ARHGAP26: variants seen among roughly 807,000 people sequenced by gnomAD.
ARHGAP26 encodes the protein rho GTPase-activating protein 26.
In ARHGAP26, 38 loss-of-function variants were observed where a neutral mutation model predicts 104.8. The observed-to-expected ratio is 0.36, with a 90% confidence interval of 0.28 to 0.48. ARHGAP26 has a LOEUF of 0.48. ARHGAP26 is among the 20% of genes least tolerant of loss of function. The pLI, the probability that ARHGAP26 is intolerant of heterozygous loss-of-function variation, is 0.99. For missense variants in ARHGAP26, 704 were observed against 947.9 expected (o/e 0.74, Z 3.38); for synonymous variants, 341 against 340.0 (o/e 1.00, Z -0.03).
chr5:142,993,102 T>G (rs1775865702), intron 11 of ARHGAP26, among the ~76,000 whole-genome samples: 1 of 151,012 alleles, frequency 6.6e-6, no homozygotes, highest in African/African-American at 2.4e-5. Flanking sequence ...CTGCCTCAGC[T>G]TCCTGAGTAG....
chr5:143,207,746 C>G (rs1348219275), intron 21 of ARHGAP26, among the ~76,000 whole-genome samples: 1 of 152,220 alleles, frequency 6.6e-6, no homozygotes, highest in Non-Finnish European at 1.5e-5. Context: ...GCTCTCTGCA[C>G]TTTGGTGTAA....
At chr5:143,134,486 A>G (rs1797704369) in intron 19 of ARHGAP26, among the ~76,000 whole-genome samples, 1 of 152,072 alleles carries the variant, frequency 6.6e-6, no homozygotes, top group Non-Finnish European at 1.5e-5. Context: ...TGAAATACCC[A>G]TTAGTGTGAG....
At chr5:143,180,633 T>A (rs1223904743) in intron 20 of ARHGAP26, among the ~76,000 whole-genome samples, 1 of 152,120 alleles carries the variant, frequency 6.6e-6, no homozygotes, top group Non-Finnish European at 1.5e-5. Context: ...ATGTCTTATA[T>A]GGCGGCAGGC....
chr5:142,979,240 T>C (rs1773575741), intron 11 of ARHGAP26, among the ~76,000 whole-genome samples: 1 of 152,244 alleles, frequency 6.6e-6, no homozygotes, highest in South Asian at 2.1e-4. Context: ...TTCTACTTTC[T>C]GCCTCCTTAA....
At chr5:142,903,941 T>A (rs781415162) in intron 8 of ARHGAP26, among the ~76,000 whole-genome samples, 89 of 152,170 alleles carry the variant, frequency 5.8e-4, no homozygotes, top group Non-Finnish European at 4.3e-4. Flanking sequence ...CTCTTGGGGT[T>A]CCTGTACCCC....
intron 8 of ARHGAP26, among the ~76,000 whole-genome samples, chr5:142,905,972 G>C (rs1464146059): frequency 2.6e-5 from 4 of 152,150 alleles, no homozygotes; most frequent in Non-Finnish European, 5.9e-5. Flanking sequence ...CATGACTTTA[G>C]TCTCCTTTAA....
intron 17 of ARHGAP26, among the ~76,000 whole-genome samples, chr5:143,090,173 G>A (rs1175987882): frequency 2.0e-5 from 3 of 152,362 alleles, no homozygotes; most frequent in South Asian, 4.1e-4. Context: ...GCCGGACTTC[G>A]GGATATAGCA....
chr5:143,093,683 C>T (rs370586594), intron 17 of ARHGAP26, among the ~76,000 whole-genome samples: 34 of 152,128 alleles, frequency 2.2e-4, no homozygotes, highest in African/African-American at 8.0e-4. Context: ...CCCCCTTTCT[C>T]CTCTCTGCTA....
intron 20 of ARHGAP26, among the ~76,000 whole-genome samples, chr5:143,198,015 C>G (rs189142739): frequency 6.6e-6 from 1 of 152,336 alleles, no homozygotes; most frequent in Non-Finnish European, 1.5e-5. Flanking sequence ...GTCATAGTTT[C>G]TTGCTTACAG....
intron 17 of ARHGAP26, among the ~76,000 whole-genome samples, chr5:143,077,182 G>A (rs1250440363): frequency 6.6e-6 from 1 of 152,186 alleles, no homozygotes; most frequent in Non-Finnish European, 1.5e-5. Context: ...AATGCCTCAG[G>A]TATGTGGGCG....
intron 20 of ARHGAP26, among the ~76,000 whole-genome samples, chr5:143,201,878 C>G (rs1206753318): frequency 2.0e-5 from 3 of 152,112 alleles, no homozygotes; most frequent in African/African-American, 7.2e-5. Flanking sequence ...AGGCATAATT[C>G]CTTTAGTCAT....
chr5:142,781,043 C>T (rs1367032523), intron 1 of ARHGAP26, among the ~76,000 whole-genome samples: 1 of 152,222 alleles, frequency 6.6e-6, no homozygotes, highest in Non-Finnish European at 1.5e-5. Flanking sequence ...AGGCACAGTC[C>T]TTGTCTCCTA....
chr5:143,091,142 A>G (rs1791368379), intron 17 of ARHGAP26, among the ~76,000 whole-genome samples: 1 of 152,216 alleles, frequency 6.6e-6, no homozygotes, highest in South Asian at 2.1e-4. Context: ...CCCTGGGACT[A>G]TGGCCCACGA....
At chr5:143,038,791 G>A (rs190756723) in intron 13 of ARHGAP26, among the ~76,000 whole-genome samples, 160 of 130,970 alleles carry the variant, frequency 1.2e-3, no homozygotes, top group African/African-American at 4.2e-3. Flanking sequence ...CAACTCCCTG[G>A]TTCAAGGGAT....
intron 7 of ARHGAP26, 29 bp downstream of exon 7, chr5:142,902,068 T>C (rs1438645227): frequency 6.3e-7 from 1 of 1,596,276 alleles, no homozygotes; most frequent in Admixed American, 1.7e-5. Context: ...AGGCTTCTTT[T>C]ATCTGGTTAA....
At position 143,207,298 on chromosome 5, in the gene ARHGAP26, T is replaced by C. The variant is rs912641769; in HGVS notation, c.2089T>C (p.Ser697Pro). 6.2e-7 allele frequency: 1 copy of C among 1,613,988 alleles called. No homozygotes were observed. Among genetic ancestry groups the C allele is most frequent in the South Asian group, 1.1e-5 (1 of 91,072 alleles). The change falls in exon 21 of 23, where the codon TCC becomes CCC. Residue 697 changes from serine to proline, a missense_variant. Ser to Pro is a moderately conservative substitution (Grantham distance 74, BLOSUM62 -1). Transcript: ENST00000645722. ...CACCTCATCCACGTCCAGCGACTCA[T>C]CCCCCGTCAGGTCTGTTGCAGGGTT... ...MPTSSTSSDS[S>P]PVSTPFRKAK... is the part of the protein sequence containing the mutation.
intron 15 of ARHGAP26, among the ~76,000 whole-genome samples, chr5:143,055,387 A>T: frequency 6.6e-6 from 1 of 152,226 alleles, no homozygotes; most frequent in Non-Finnish European, 1.5e-5. Flanking sequence ...TAAAACTAGG[A>T]GTCGAATTAA....
chr5:143,092,806 A>G (rs1791653413), intron 17 of ARHGAP26, among the ~76,000 whole-genome samples: 1 of 152,210 alleles, frequency 6.6e-6, no homozygotes, highest in African/African-American at 2.4e-5. Context: ...TGATTCAGTA[A>G]GCACTTTAAG....
intron 13 of ARHGAP26, among the ~76,000 whole-genome samples, chr5:143,040,088 T>C (rs1783229394): frequency 1.3e-5 from 2 of 152,164 alleles, no homozygotes; most frequent in Admixed American, 1.3e-4. Flanking sequence ...GAGGTGGGAT[T>C]GTGTAAAGTC....
Sources: gnomAD v4.1 joint callset for allele counts (sites outside exome capture counted in the v4.1 genomes callset) on GRCh38, gnomAD v4.1.1 for gene constraint, MANE v1.5 for transcripts, NCBI Gene and HGNC (gene_info 2026-07-23, HGNC 2026-07-21) for gene names.